The following RIN2 variants were observed in gnomAD, a reference collection of about 807,000 sequenced individuals.
RIN2 encodes the protein RAB5 interacting protein 2.
RIN2 carries 36 observed loss-of-function variants against 78.0 expected under a neutral mutation model. The ratio of observed to expected loss-of-function variants is 0.46; its 90% confidence interval spans 0.35 to 0.61. The LOEUF (loss-of-function observed/expected upper bound fraction) is 0.61. RIN2 is among the 20% of genes least tolerant of loss of function. The probability of loss-of-function intolerance (pLI) is 0.00; values close to 1 mark genes in which losing one functional copy is unlikely to be tolerated. For synonymous variants in RIN2, 466 were observed against 466.8 expected (o/e 1.00, Z 0.02); for missense variants, 1,087 against 1,159.7 (o/e 0.94, Z 0.91).
chr20:19,932,896 C>G (rs1369432250), intron 3 of RIN2, among the ~76,000 whole-genome samples: 1 of 152,166 alleles, frequency 6.6e-6, no homozygotes, highest in East Asian at 1.9e-4. Flanking sequence ...CCCATTGCTC[C>G]CATCTCAGTC....
At chr20:19,830,308 CTT>C (rs1036384903) in intron 2 of RIN2, among the ~76,000 whole-genome samples, 4 of 152,138 alleles carry the variant, frequency 2.6e-5, no homozygotes, top group African/African-American at 9.7e-5. Context: ...TTTTCATTAA[CTT>C]TTATGCCAGG....
intron 1 of RIN2, among the ~76,000 whole-genome samples, chr20:19,784,369 G>A (rs140417731): frequency 2.0e-5 from 3 of 152,054 alleles, no homozygotes; most frequent in Middle Eastern, 3.4e-3. Flanking sequence ...TATTACAAAG[G>A]GTTCCTTGTT....
intron 7 of RIN2, among the ~76,000 whole-genome samples, chr20:19,967,979 A>G (rs936808137): frequency 2.0e-5 from 3 of 152,218 alleles, no homozygotes; most frequent in African/African-American, 7.2e-5. Context: ...TCAGTAAATG[A>G]CAGTTACGGG....
At chr20:19,877,355 G>A (rs1336163143) in intron 2 of RIN2, among the ~76,000 whole-genome samples, 1 of 152,194 alleles carries the variant, frequency 6.6e-6, no homozygotes, top group Non-Finnish European at 1.5e-5. Context: ...ATTTTTCAGT[G>A]CTTACTGGAT....
At chr20:19,939,473 C>A (rs977570287) in intron 4 of RIN2, among the ~76,000 whole-genome samples, 1 of 152,210 alleles carries the variant, frequency 6.6e-6, no homozygotes, top group Admixed American at 6.5e-5. Flanking sequence ...GCATGGTGAA[C>A]CTTTTAGTTC....
chr20:19,761,902 C>T (rs1001353450), intron 1 of RIN2, among the ~76,000 whole-genome samples: 2 of 152,298 alleles, frequency 1.3e-5, no homozygotes, highest in East Asian at 1.9e-4. Flanking sequence ...TCCCCTCAAA[C>T]GCAGCTCTGT....
chr20:19,825,365 T>G (rs2036059112), intron 2 of RIN2, among the ~76,000 whole-genome samples: 1 of 152,198 alleles, frequency 6.6e-6, no homozygotes, highest in Non-Finnish European at 1.5e-5. Flanking sequence ...ATGCCATGTG[T>G]GGGCAGCTCT....
At chr20:19,864,257 A>C (rs2037432864) in intron 2 of RIN2, among the ~76,000 whole-genome samples, 1 of 152,096 alleles carries the variant, frequency 6.6e-6, no homozygotes, top group African/African-American at 2.4e-5. Context: ...CCTCTTCTGG[A>C]GTGAGGAGTT....
At chr20:19,825,156 A>G (rs1034003519) in intron 2 of RIN2, among the ~76,000 whole-genome samples, 3 of 151,988 alleles carry the variant, frequency 2.0e-5, no homozygotes, top group Non-Finnish European at 2.9e-5. Context: ...CTCCTTTCCT[A>G]CCTGCCTTCC....
chr20:19,791,476 G>T (rs1278533008), intron 1 of RIN2, among the ~76,000 whole-genome samples: 2 of 152,184 alleles, frequency 1.3e-5, no homozygotes, highest in African/African-American at 4.8e-5. Flanking sequence ...CCACCAAAGA[G>T]GAGATGTGCC....
intron 2 of RIN2, among the ~76,000 whole-genome samples, chr20:19,833,163 C>G (rs1160231942): frequency 6.6e-6 from 1 of 152,156 alleles, no homozygotes; most frequent in African/African-American, 2.4e-5. Flanking sequence ...GCAAGCCCTC[C>G]TCTTGGGATC....
chr20:19,835,127 A>AAAGG (rs1431376477), intron 2 of RIN2, among the ~76,000 whole-genome samples: 1 of 100,076 alleles, frequency 1.0e-5, no homozygotes, highest in Non-Finnish European at 2.1e-5. Context: ...AGGAAGGAAG[A>AAAGG]AAGGAAGGAA....
chr20:19,816,331 C>T (rs1202742522), intron 2 of RIN2, among the ~76,000 whole-genome samples: 5 of 152,124 alleles, frequency 3.3e-5, no homozygotes, highest in Admixed American at 3.3e-4. Context: ...GGTGGAGAGG[C>T]GACCCTACCT....
chr20:19,858,755 C>A (rs1600638795), intron 2 of RIN2, among the ~76,000 whole-genome samples: 1 of 152,172 alleles, frequency 6.6e-6, no homozygotes, highest in Non-Finnish European at 1.5e-5. Flanking sequence ...TCCTTACTTA[C>A]TAAAGATGTC....
At chr20:19,995,270 A>C (rs1047592747) in intron 11 of RIN2, among the ~76,000 whole-genome samples, 8 of 151,372 alleles carry the variant, frequency 5.3e-5, no homozygotes, top group African/African-American at 1.5e-4. Flanking sequence ...TTAAAAAAAA[A>C]AAAAAAAACA....
In RIN2 at chr20:19,789,312, T is replaced by G. The variant is rs2034811705; in HGVS notation, c.-162-10310T>G. On this transcript the variant is annotated intron_variant, in intron 1 of 12. Coordinates refer to ENST00000255006, the MANE Select transcript of RIN2 (RefSeq NM_018993.4). ...AATGTTAAAACTAAAACAATTAACC[T>G]TCTAGAAAAAATACAAGAGAAATAT... Among the ~76,000 whole-genome samples, 2 of 152,242 alleles carry G rather than the reference T, an allele frequency of 1.3e-5. 1 individual carries two copies. The highest frequency in any genetic ancestry group is 4.1e-4 in the South Asian group (2 of 4,834).
intron 4 of RIN2, among the ~76,000 whole-genome samples, chr20:19,937,173 T>C (rs544036716): frequency 6.6e-6 from 1 of 152,324 alleles, no homozygotes; most frequent in East Asian, 1.9e-4. Flanking sequence ...TTTTGTCCAA[T>C]GGAGCTGTCA....
Position 19,912,279 on chromosome 20 carries a change from G to A in RIN2, c.57+22621G>A, listed in dbSNP as rs541406560. ...TTGCTTAAAGACACAAAGGAAGGAA[G>A]CCTGGGGTTCAACTGTGCTCTCACC... On this transcript the variant is annotated intron_variant, in intron 3 of 12. Coordinates refer to ENST00000255006, the MANE Select transcript of RIN2 (RefSeq NM_018993.4). 1.4e-4 allele frequency among the ~76,000 whole-genome samples: 22 copies of A among 152,074 alleles called. 1 individual carries two copies. The highest frequency in any genetic ancestry group is 7.8e-4 in the East Asian group (4 of 5,144).
intron 2 of RIN2, among the ~76,000 whole-genome samples, chr20:19,817,029 A>C (rs907955513): frequency 8.5e-6 from 1 of 117,686 alleles, no homozygotes; most frequent in African/African-American, 3.9e-5. Context: ...ATGTGGAGAC[A>C]AGAAGTGTGT....
Sources: gnomAD v4.1 joint callset for allele counts (sites outside exome capture counted in the v4.1 genomes callset) on GRCh38, gnomAD v4.1.1 for gene constraint, MANE v1.5 for transcripts, NCBI Gene and HGNC (gene_info 2026-07-23, HGNC 2026-07-21) for gene names.